SLC39A1: variants seen among roughly 807,000 people sequenced by gnomAD.
The protein encoded by SLC39A1 is zinc transporter ZIP1.
A neutral mutation model predicts 21.4 loss-of-function variants in SLC39A1; 17 were observed. The ratio of observed to expected loss-of-function variants is 0.79; its 90% CI spans 0.54 to 1.19. The LOEUF (loss-of-function observed/expected upper bound fraction) is 1.19. Among genes scored for constraint, SLC39A1 ranks in the 50% most tolerant of loss-of-function variants. The probability of loss-of-function intolerance (pLI) is 0.00; values close to 1 mark genes in which losing one functional copy is unlikely to be tolerated. For missense variants in SLC39A1, 343 were observed against 399.8 expected, an observed-to-expected ratio of 0.86 and a Z score of 1.21; for synonymous variants, 183 against 185.9, an observed-to-expected ratio of 0.98 and a Z score of 0.13.
At chr1:153,964,858 T>C (rs1436023255), upstream of SLC39A1, 1 of 151,664 alleles carries the variant, frequency 6.6e-6, no homozygotes, top group East Asian at 2.0e-4. Flanking sequence ...GAGAATCGCT[T>C]GAACCCGGGA....
At chr1:153,967,668 G>GAA, upstream of SLC39A1, 1 of 150,538 alleles carries the variant, frequency 6.6e-6, no homozygotes, top group Non-Finnish European at 1.5e-5. Flanking sequence ...TAAGAATAAA[G>GAA]AAAAAAAAAA....
At chr1:153,965,776 G>C (rs538946798), upstream of SLC39A1, among the ~76,000 whole-genome samples, 1 of 151,644 alleles carries the variant, frequency 6.6e-6, no homozygotes, top group Non-Finnish European at 1.5e-5. Flanking sequence ...TAGTAGAGAC[G>C]GGATTTCACC....
At chr1:153,965,043 A>AAT (rs1455277161), upstream of SLC39A1, 1 of 152,236 alleles carries the variant, frequency 6.6e-6, no homozygotes, top group Non-Finnish European at 1.5e-5. Flanking sequence ...ATAGTTGTCA[A>AAT]ATATATATAT....
chr1:153,961,359 T>C lies in SLC39A1; in HGVS notation c.319-605A>G, dbSNP rs1267206626. Among the ~76,000 whole-genome samples the C allele has an allele frequency of 3.9e-5, 6 of 152,326 alleles. No individual in the cohort carries two copies. In the East Asian group the frequency reaches 5.8e-4, roughly 15 times the overall value. On this transcript the variant is annotated intron_variant, in intron 3 of 3. Coordinates refer to ENST00000356205, the MANE Select transcript of SLC39A1 (RefSeq NM_001271958.2). ...GTCATGGGAGCTGTCTTGTGCACTG[T>C]AGATTGTTTAACAGCATTTCTGATC... is the stretch of plus-strand genomic sequence containing the variant.
chr1:153,961,209 G>C (rs1647416440), intron 3 of SLC39A1, among the ~76,000 whole-genome samples: 2 of 152,310 alleles, frequency 1.3e-5, no homozygotes, highest in East Asian at 3.9e-4. Flanking sequence ...CCAGGAGCCA[G>C]AGATTGCAGT....
Position 153,960,594 on chromosome 1 carries a change from T to G in SLC39A1, c.479A>C (p.His160Pro). The G allele has an allele frequency of 6.2e-7, 1 of 1,614,224 alleles. No individual in the cohort carries two copies. The highest frequency in any genetic ancestry group is 8.5e-7 in the Non-Finnish European group (1 of 1,180,046). Residue 160 changes from histidine (H) to proline (P), a missense_variant, in exon 4 of 4, where the codon CAT becomes CCT. By Grantham distance (77) the His-to-Pro change is moderately conservative. Coordinates refer to ENST00000356205, the MANE Select transcript of SLC39A1 (RefSeq NM_001271958.2). ...GTVNGGPQHW[H>P]DGPGVPQASG... ...CGCCTGTGGGACCCCTGGCCCATCA[T>G]GCCAATGCTGCGGCCCACCATTCAC...
intron 3 of SLC39A1, among the ~76,000 whole-genome samples, 156 bp downstream of exon 3, chr1:153,962,064 G>A (rs748484939): frequency 1.9e-4 from 29 of 152,192 alleles, no homozygotes; most frequent in Non-Finnish European, 3.1e-4. Flanking sequence ...CACATAGAAA[G>A]AATTATGCCC....
upstream of SLC39A1, chr1:153,964,220 G>A (rs531340132): frequency 2.6e-5 from 4 of 152,260 alleles, no homozygotes; most frequent in Admixed American, 1.3e-4. Flanking sequence ...CGCATTCCAG[G>A]ATATCTGCGT....
chr1:153,964,059 G>T (rs893762217), upstream of SLC39A1, among the ~76,000 whole-genome samples: 1 of 152,260 alleles, frequency 6.6e-6, no homozygotes, highest in Non-Finnish European at 1.5e-5. Context: ...AATTGGAAAG[G>T]GGGGAAAGCA....
At chr1:153,966,079 G>A (rs201187681), upstream of SLC39A1, among the ~76,000 whole-genome samples, 5 of 152,200 alleles carry the variant, frequency 3.3e-5, no homozygotes, top group Middle Eastern at 3.4e-3. Context: ...CATACAGCCC[G>A]CAGGAAGCCC....
chr1:153,965,832 C>T (rs1647750303), upstream of SLC39A1, among the ~76,000 whole-genome samples: 1 of 152,030 alleles, frequency 6.6e-6, no homozygotes, highest in Non-Finnish European at 1.5e-5. Context: ...GGTGATCCAC[C>T]CGCTTCAGCC....
At chr1:153,964,099 T>C (rs1647655796), upstream of SLC39A1, among the ~76,000 whole-genome samples, 1 of 152,228 alleles carries the variant, frequency 6.6e-6, no homozygotes, top group Non-Finnish European at 1.5e-5. Flanking sequence ...AAATCATCCC[T>C]TCTCGACTAC....
At chr1:153,967,867 G>C (rs751690831), upstream of SLC39A1, 11 of 151,922 alleles carry the variant, frequency 7.2e-5, no homozygotes, top group Admixed American at 6.6e-4. Flanking sequence ...GCGAGGGGAT[G>C]CCCTAGTAAA....
rs1647264592 is a variant in SLC39A1 at position 153,959,942 on chromosome 1, C to G, written c.*156G>C. On this transcript the variant is annotated 3_prime_UTR_variant, in exon 4 of 4. Transcript: ENST00000356205. ...GTCTGCCCACTTCCCTCTCATTAGT[C>G]AGATAGCCCCAAAGGCTCTATCTTT... 1.1e-5 allele frequency: 9 copies of G among 800,882 alleles called. No individual in the cohort carries two copies. In the South Asian group the frequency reaches 1.6e-4, roughly 14 times the overall value. The allele number at this position is 800,882 out of a possible 1,614,324, so 49.6% of individuals were successfully genotyped here.
At chr1:153,967,717 A>G (rs1029733138), upstream of SLC39A1, 1 of 152,330 alleles carries the variant, frequency 6.6e-6, no homozygotes, top group African/African-American at 2.4e-5. Context: ...TCTCCTGAAC[A>G]GCCAAACTGT....
chr1:153,965,629 A>G (rs1188115100), upstream of SLC39A1, among the ~76,000 whole-genome samples: 1 of 151,416 alleles, frequency 6.6e-6, no homozygotes, highest in East Asian at 2.0e-4. Context: ...TGTGTTGCCC[A>G]GGCTGGAATG....
At chr1:153,968,142 G>C (rs1336298072), upstream of SLC39A1, 1 of 168,774 alleles carries the variant, frequency 5.9e-6, no homozygotes, top group African/African-American at 2.4e-5. Flanking sequence ...AGATACAGCG[G>C]CCCTACCGTG....
At position 153,960,252 on chromosome 1, in the gene SLC39A1, ACAGAC is replaced by A; in HGVS notation, c.816_820del (p.Gln272HisfsTer27). 1 of 1,614,064 alleles carries A rather than the reference ACAGAC, an allele frequency of 6.2e-7. No homozygotes were observed. Among genetic ancestry groups the A allele is most frequent in the Non-Finnish European group, 8.5e-7 (1 of 1,179,964 alleles). On this transcript the variant is annotated frameshift_variant, in exon 4 of 4. Coordinates refer to ENST00000356205, the MANE Select transcript of SLC39A1 (RefSeq NM_001271958.2). LOFTEE classifies it high-confidence loss of function. ...GGTGCCAGCTGCCATGCCCTCTAGCACAGACTGGGCCAGCTGGTGCAGAGGTCCTG... is the reference window on the plus strand; with the variant it reads ...GGTGCCAGCTGCCATGCCCTCTAGCATGGGCCAGCTGGTGCAGAGGTCCTG...
chr1:153,962,196 T>A (rs766708548), intron 3 of SLC39A1, 24 bp downstream of exon 3: 13 of 1,608,092 alleles, frequency 8.1e-6, no homozygotes, highest in Non-Finnish European at 1.1e-5. Context: ...CTCCCGCAAG[T>A]CACATGCCCA....
Sources: gnomAD v4.1 joint callset for allele counts (sites outside exome capture counted in the v4.1 genomes callset) on GRCh38, gnomAD v4.1.1 for gene constraint, MANE v1.5 for transcripts, NCBI Gene and HGNC (gene_info 2026-07-23, HGNC 2026-07-21) for gene names.